CARS1: variants seen among roughly 807,000 people sequenced by gnomAD.
CARS1 encodes the protein cysteine--tRNA ligase, cytoplasmic.
CARS1 carries 48 observed loss-of-function variants against 106.2 expected under a neutral mutation model. That is an observed-to-expected ratio of 0.45 (90% CI 0.36 to 0.57). The LOEUF is 0.57. Among genes scored for constraint, CARS1 ranks in the 20% least tolerant of loss-of-function variants. The pLI is 0.00. For synonymous variants in CARS1, 409 were observed against 403.4 expected (o/e 1.01, Z -0.17); for missense variants, 968 against 1,057.2 (o/e 0.92, Z 1.17).
rs1290961218 is a variant in CARS1, at chr11:3,017,655, AC to A, written c.1727+201del. 1.7e-6 allele frequency: 1 copy of A among 573,460 alleles called. No homozygotes were observed. Among genetic ancestry groups the A allele is most frequent in the African/African-American group, 1.9e-5 (1 of 53,320 alleles). The allele number at this position is 573,460 out of a possible 1,614,324, so 35.5% of individuals were successfully genotyped here. ...CGAAACTCCGTCTCAAAAAGAAAAA[AC>A]AAAAAAGAAATTCTCCATGCACTTC... On this transcript the variant is annotated intron_variant, in intron 15 of 22. Transcript: ENST00000380525. This position sits in a 1 kb window ranked among gnomAD's most constrained non-coding sequence, Gnocchi z 4.9.
Position 3,029,014 on chromosome 11 carries a change from A to G in CARS1, c.1013T>C (p.Ile338Thr), listed in dbSNP as rs1852411252. 1.9e-6 allele frequency: 3 copies of G among 1,613,760 alleles called. No individual in the cohort carries two copies. Among genetic ancestry groups the G allele is most frequent in the East Asian group, 2.2e-5 (1 of 44,870 alleles). ...VPEIVNFVQKIVDNGYGYVSN... is the reference protein window; with the variant it reads ...VPEIVNFVQKTVDNGYGYVSN... ...TGCTTACCCGTAACCGTTGTCCACA[A>G]TCTTCTGGACAAAGTTCACAATTTC... Residue 338 changes from isoleucine to threonine, a missense_variant, in exon 9 of 23, where the codon ATT (isoleucine) becomes ACT (threonine). Transcript: ENST00000380525. The surrounding 1 kb of genome is among the most constrained non-coding windows in gnomAD (Gnocchi z 5.9).
chr11:3,051,929 C>A (rs1237575064), intron 1 of CARS1, among the ~76,000 whole-genome samples: 1 of 152,240 alleles, frequency 6.6e-6, no homozygotes, highest in Non-Finnish European at 1.5e-5. Flanking sequence ...AGACAGCGAG[C>A]TGACAGTCAC....
At position 3,039,030 on chromosome 11, in the gene CARS1, A is replaced by T. The variant is rs956370157; in HGVS notation, c.651+164T>A. 4.6e-5 allele frequency among the ~76,000 whole-genome samples: 7 copies of T among 152,164 alleles called. No homozygotes were observed. The highest frequency in any genetic ancestry group is 1.7e-4 in the African/African-American group (7 of 41,430). ...TGGTGACTTTGTCACAGGCCAGGGG[A>T]CCTTACCTATGGAGACTTCAGCGCC... On this transcript the variant is annotated intron_variant, in intron 6 of 22. Coordinates refer to ENST00000380525, the MANE Select transcript of CARS1 (RefSeq NM_001014437.3). The surrounding 1 kb of genome is among the most constrained non-coding windows in gnomAD (Gnocchi z 5.6).
In CARS1 at chr11:3,047,775, G is replaced by A; in HGVS notation, c.252C>T (p.Gly84=). Residue 84 remains glycine, a synonymous_variant, in exon 2 of 23, where the codon GGC becomes GGT. Transcript: ENST00000380525. ...EALLGSPCGK[G]QPCRLQASKG... ...CACTTGCTTGGAGCCTGCAGGGCTGGCCTTTGCCACAGGGGCTACCCAGGA... is the reference window on the plus strand; with the variant it reads ...CACTTGCTTGGAGCCTGCAGGGCTGACCTTTGCCACAGGGGCTACCCAGGA... 1 of 1,613,414 alleles carries A rather than the reference G, an allele frequency of 6.2e-7. No homozygotes were observed.
chr11:3,027,337 C>T (rs1448628570), intron 9 of CARS1: 4 of 154,486 alleles, frequency 2.6e-5, no homozygotes, highest in Admixed American at 1.3e-4. Context: ...GTCACAACCT[C>T]TTGTTTCTCT....
At chr11:3,007,114 G>T in intron 18 of CARS1, 155 bp from the exon 19 acceptor site, 1 of 645,470 alleles carries the variant, frequency 1.5e-6, no homozygotes, top group Non-Finnish European at 2.8e-6. Flanking sequence ...CACAGAACGA[G>T]TACCTCCTCC....
rs1202193029 is a variant in CARS1 at position 3,039,762 on chromosome 11, C to T, written c.552+73G>A. On this transcript the variant is annotated intron_variant, in intron 5 of 22. Coordinates refer to ENST00000380525, the MANE Select transcript of CARS1 (RefSeq NM_001014437.3). This position sits in a 1 kb window ranked among gnomAD's most constrained non-coding sequence, Gnocchi z 5.6. Reference sequence around the variant, plus strand: ...AGCTAGCTCAAGCCTACATTATTTACTTATGCGAAAGTTCTATCTTCTTTT... The same window carrying T: ...AGCTAGCTCAAGCCTACATTATTTATTTATGCGAAAGTTCTATCTTCTTTT... 1.4e-6 allele frequency: 1 copy of T among 730,486 alleles called. No homozygotes were observed. The allele number at this position is 730,486 out of a possible 1,614,324, so 45.3% of individuals were successfully genotyped here. A position where few individuals can be genotyped will look rare whatever the true frequency, so the allele number is the denominator to read the frequency against.
rs1851429575 is a variant in CARS1, at chr11:3,020,053, T to G, written c.1266+167A>C. Among the ~76,000 whole-genome samples the G allele has an allele frequency of 6.6e-6, 1 of 152,216 alleles. No individual in the cohort carries two copies. Among genetic ancestry groups the G allele is most frequent in the Admixed American group, 6.5e-5 (1 of 15,294 alleles). ...TGTCCAGAGACTCAGGGAGTCTCCA[T>G]GATGTCCAGGTCCCCGGGGCCAGGC... On this transcript the variant is annotated intron_variant, in intron 11 of 22. Coordinates refer to ENST00000380525, the MANE Select transcript of CARS1 (RefSeq NM_001014437.3). The surrounding 1 kb of genome is among the most constrained non-coding windows in gnomAD (Gnocchi z 4.6).
chr11:3,057,021 C>G lies in CARS1; in HGVS notation c.25+322G>C, dbSNP rs559396577. ...CCAGTGGCCGTCCCTCGGAGCCGGG[C>G]ACCCGTTGTCCTTCGGATCCTAGGA... On this transcript the variant is annotated intron_variant, in intron 1 of 22. Transcript: ENST00000380525. Among the ~76,000 whole-genome samples the G allele has an allele frequency of 2.6e-5, 4 of 152,134 alleles. No homozygotes were observed. The East Asian group carries it at 7.7e-4, about 29-fold the overall frequency.
intron 20 of CARS1, among the ~76,000 whole-genome samples, chr11:3,002,904 A>G (rs1340092533): frequency 6.6e-6 from 1 of 152,232 alleles, no homozygotes; most frequent in African/African-American, 2.4e-5. Context: ...ACTAACATGA[A>G]GAAATGGACC....
At chr11:3,057,161 C>G (rs1302269671) in intron 1 of CARS1, among the ~76,000 whole-genome samples, 182 bp downstream of exon 1, 1 of 152,042 alleles carries the variant, frequency 6.6e-6, no homozygotes, top group Admixed American at 6.5e-5. Flanking sequence ...CCCTCAGACC[C>G]CGCGCACTGA....
chr11:3,001,071 G>A lies in CARS1; in HGVS notation c.*43C>T. 1 of 1,605,974 alleles carries A rather than the reference G, an allele frequency of 6.2e-7. No individual in the cohort carries two copies. The highest frequency in any genetic ancestry group is 8.5e-7 in the Non-Finnish European group (1 of 1,174,204). The stretch of plus-strand genomic sequence containing the variant: ...GACATTGTCACTGAGGCAGACAGCA[G>A]CCACTAGTCCACAATGGTTTAAAAA... On this transcript the variant is annotated 3_prime_UTR_variant, in exon 23 of 23. Coordinates refer to ENST00000380525, the MANE Select transcript of CARS1 (RefSeq NM_001014437.3).
intron 10 of CARS1, among the ~76,000 whole-genome samples, chr11:3,026,199 G>A (rs1357541988): frequency 6.6e-6 from 1 of 152,168 alleles, no homozygotes; most frequent in Non-Finnish European, 1.5e-5. Context: ...AGAAGAGTCA[G>A]GTCAGGGGCA....
At position 3,004,045 on chromosome 11, in the gene CARS1, G is replaced by A. The variant is rs1849631320; in HGVS notation, c.2217+1321C>T. Among the ~76,000 whole-genome samples the A allele has an allele frequency of 6.6e-6, 1 of 152,188 alleles. No homozygotes were observed. The highest frequency in any genetic ancestry group is 2.4e-5 in the African/African-American group (1 of 41,436). On this transcript the variant is annotated intron_variant, in intron 20 of 22. Coordinates refer to ENST00000380525, the MANE Select transcript of CARS1 (RefSeq NM_001014437.3). This position sits in a 1 kb window ranked among gnomAD's most constrained non-coding sequence, Gnocchi z 5.2. Reference sequence around the variant, plus strand: ...TCTGAGCACTCTGCCAGGGAGTGCAGCAAGCCAGGGCGTCTGCACAGCCAG... The same window carrying A: ...TCTGAGCACTCTGCCAGGGAGTGCAACAAGCCAGGGCGTCTGCACAGCCAG...
rs183995007 is a variant in CARS1, at chr11:3,034,679, G to A, written c.801+3371C>T. Among the ~76,000 whole-genome samples the A allele has an allele frequency of 6.0e-3, 917 of 151,884 alleles. 5 individuals are homozygous for A. Among genetic ancestry groups the A allele is most frequent in the African/African-American group, 0.021 (873 of 41,362 alleles). ...CAAGTAGCTGGGATTACAGGCACAC[G>A]CCACAACACCCAGCTAATTTTTTTT... On this transcript the variant is annotated intron_variant, in intron 7 of 22. Coordinates refer to ENST00000380525, the MANE Select transcript of CARS1 (RefSeq NM_001014437.3). This position sits in a 1 kb window ranked among gnomAD's most constrained non-coding sequence, Gnocchi z 6.3.
rs1177582193 is a variant in CARS1 at position 3,052,590 on chromosome 11, C to T, written c.26-4589G>A. Among the ~76,000 whole-genome samples the T allele has an allele frequency of 1.3e-5, 2 of 152,110 alleles. No homozygotes were observed. Among genetic ancestry groups the T allele is most frequent in the East Asian group, 3.9e-4 (2 of 5,190 alleles). On this transcript the variant is annotated intron_variant, in intron 1 of 22. Transcript: ENST00000380525. The surrounding 1 kb of genome is among the most constrained non-coding windows in gnomAD (Gnocchi z 4.6). ...ACCGTCTAGAGCAGGCTAGACGGCT[C>T]ATCAAAAGGGAACCAAGACCATGCT...
In CARS1 at chr11:3,003,231, C is replaced by G. The variant is rs999812873; in HGVS notation, c.2218-631G>C. Among the ~76,000 whole-genome samples, 1 of 152,154 alleles carries G rather than the reference C, an allele frequency of 6.6e-6. No individual in the cohort carries two copies. The highest frequency in any genetic ancestry group is 1.5e-5 in the Non-Finnish European group (1 of 68,026). On this transcript the variant is annotated intron_variant, in intron 20 of 22. Coordinates refer to ENST00000380525, the MANE Select transcript of CARS1 (RefSeq NM_001014437.3). This position sits in a 1 kb window ranked among gnomAD's most constrained non-coding sequence, Gnocchi z 4.8. ...GGAGGTTCTGGCCTGAGCCATTGCA[C>G]GAACAGACATGCCCTCCACTGACGG... is the stretch of plus-strand genomic sequence containing the variant.
At chr11:3,042,584 A>C (rs1198739917) in intron 2 of CARS1, among the ~76,000 whole-genome samples, 1 of 152,128 alleles carries the variant, frequency 6.6e-6, no homozygotes, top group East Asian at 1.9e-4. Flanking sequence ...ACACCCTTAG[A>C]GCCCCAGGAG....
At position 3,037,598 on chromosome 11, in the gene CARS1, G is replaced by A. The variant is rs943137999; in HGVS notation, c.801+452C>T. Among the ~76,000 whole-genome samples, 1 of 152,178 alleles carries A rather than the reference G, an allele frequency of 6.6e-6. No homozygotes were observed. Among genetic ancestry groups the A allele is most frequent in the African/African-American group, 2.4e-5 (1 of 41,452 alleles). On this transcript the variant is annotated intron_variant, in intron 7 of 22. Transcript: ENST00000380525. This position sits in a 1 kb window ranked among gnomAD's most constrained non-coding sequence, Gnocchi z 5.9. Reference sequence around the variant, plus strand: ...GTGTCTGAAGGAGATATTGGCAGGGGCAGGAGAGCTGGTCAACGTGAAGGC... The same window carrying A: ...GTGTCTGAAGGAGATATTGGCAGGGACAGGAGAGCTGGTCAACGTGAAGGC...
Sources: gnomAD v4.1 joint callset for allele counts (sites outside exome capture counted in the v4.1 genomes callset) on GRCh38, gnomAD v4.1.1 for gene constraint, Gnocchi (gnomAD v3.1) non-coding constraint, MANE v1.5 for transcripts, NCBI Gene and HGNC (gene_info 2026-07-23, HGNC 2026-07-21) for gene names.